The following ABCA12 variants were observed in gnomAD, a reference collection of about 807,000 sequenced individuals.
The protein encoded by ABCA12 is glucosylceramide transporter ABCA12.
In ABCA12, 156 loss-of-function variants were observed where a neutral mutation model predicts 293.5. The observed-to-expected ratio is 0.53, with a 90% CI of 0.47 to 0.61. ABCA12 has a LOEUF of 0.61. Among genes scored for constraint, ABCA12 ranks in the 20% least tolerant of loss-of-function variants. ABCA12 has a pLI of 0.00. For missense variants in ABCA12, 2,797 were observed against 3,090.2 expected (o/e 0.91, Z 2.25); for synonymous variants, 1,063 against 1,108.0 (o/e 0.96, Z 0.81).
At chr2:214,942,810 A>T in intron 50 of ABCA12, 115 bp downstream of exon 50, 1 of 839,286 alleles carries the variant, frequency 1.2e-6, no homozygotes, top group Non-Finnish European at 2.0e-6. Flanking sequence ...TCCAAAGATT[A>T]GCTTGTCCAT....
At chr2:215,106,197 A>G (rs1195914833) in intron 2 of ABCA12, among the ~76,000 whole-genome samples, 1 of 152,174 alleles carries the variant, frequency 6.6e-6, no homozygotes, top group African/African-American at 2.4e-5. Context: ...CAACATTAAG[A>G]CTGTACAATA....
intron 43 of ABCA12, 119 bp from the exon 44 acceptor site, chr2:214,954,226 A>G (rs1698871040): frequency 2.2e-5 from 22 of 1,010,982 alleles, no homozygotes; most frequent in Non-Finnish European, 2.8e-5. Flanking sequence ...TAGATTGGCA[A>G]TTATTTCCCA....
chr2:215,006,766 C>T (rs1384297791), intron 19 of ABCA12, among the ~76,000 whole-genome samples: 2 of 152,038 alleles, frequency 1.3e-5, no homozygotes, highest in Non-Finnish European at 2.9e-5. Flanking sequence ...TTTTCTCCAA[C>T]TGATTACTGG....
At chr2:215,134,529 T>TATATGCGTATATATACGC (rs1559214161) in intron 1 of ABCA12, among the ~76,000 whole-genome samples, 1 of 114,034 alleles carries the variant, frequency 8.8e-6, no homozygotes, top group African/African-American at 3.6e-5. Flanking sequence ...TATATATACG[T>TATATGCGTATATATACGC]ATATATGTAC....
In ABCA12 at chr2:215,000,927, CG is replaced by C; in HGVS notation, c.2956del (p.Arg986GlyfsTer2). ...FLPPVIKYTI[R>X]MSLKTAQTTR... ...GGTCTGTGCGGTCTTGAGACTCATCCGGATGGTATATTTTATGACAGGAGGA... is the reference window on the plus strand; with the variant it reads ...GGTCTGTGCGGTCTTGAGACTCATCCGATGGTATATTTTATGACAGGAGGA... On this transcript the variant is annotated frameshift_variant, in exon 22 of 53. Coordinates refer to ENST00000272895, the MANE Select transcript of ABCA12 (RefSeq NM_173076.3). LOFTEE classifies it high-confidence loss of function. The C allele has an allele frequency of 6.2e-7, 1 of 1,613,998 alleles. No homozygotes were observed. Among genetic ancestry groups the C allele is most frequent in the Middle Eastern group, 1.7e-4 (1 of 6,060 alleles).
At chr2:215,011,928 G>A (rs755172288) in intron 16 of ABCA12, 43 bp downstream of exon 16, 5 of 1,587,304 alleles carry the variant, frequency 3.1e-6, no homozygotes, top group Non-Finnish European at 4.3e-6. Flanking sequence ...CAATATGACA[G>A]AAGGCATTTT....
At chr2:214,981,293 G>C (rs1216243145) in intron 30 of ABCA12, among the ~76,000 whole-genome samples, 1 of 151,936 alleles carries the variant, frequency 6.6e-6, no homozygotes, top group Admixed American at 6.6e-5. Context: ...ATTTTGCATT[G>C]TTTTTCTCTC....
chr2:215,039,759 A>AAAT (rs1701061037), intron 7 of ABCA12, among the ~76,000 whole-genome samples: 2 of 151,048 alleles, frequency 1.3e-5, no homozygotes, highest in Non-Finnish European at 2.9e-5. Context: ...CTTCTCACAA[A>AAAT]AAATAAATAA....
At chr2:215,015,961 G>A (rs960730954) in intron 14 of ABCA12, among the ~76,000 whole-genome samples, 5 of 151,622 alleles carry the variant, frequency 3.3e-5, no homozygotes, top group African/African-American at 1.2e-4. Context: ...TGGCCAACAT[G>A]GTGAAACCCC....
At chr2:215,076,556 G>A (rs1398538594) in intron 2 of ABCA12, among the ~76,000 whole-genome samples, 1 of 152,112 alleles carries the variant, frequency 6.6e-6, no homozygotes, top group Non-Finnish European at 1.5e-5. Flanking sequence ...CTCATCCCAT[G>A]GTGGGGAAAA....
At chr2:215,104,114 G>T (rs1702414698) in intron 2 of ABCA12, among the ~76,000 whole-genome samples, 1 of 152,112 alleles carries the variant, frequency 6.6e-6, no homozygotes, top group East Asian at 1.9e-4. Context: ...CTCTTATGAA[G>T]GAAAGAGAAA....
chr2:215,125,907 T>C (rs1176345073), intron 1 of ABCA12, among the ~76,000 whole-genome samples: 1 of 152,176 alleles, frequency 6.6e-6, no homozygotes, highest in Non-Finnish European at 1.5e-5. Flanking sequence ...CTTTTCCCCA[T>C]TCAGTATTAT....
intron 3 of ABCA12, among the ~76,000 whole-genome samples, chr2:215,063,576 A>C (rs1353058045): frequency 6.6e-6 from 1 of 151,948 alleles, no homozygotes. Context: ...GTTGTCATTC[A>C]ATTATGTATA....
intron 2 of ABCA12, among the ~76,000 whole-genome samples, chr2:215,079,302 T>C (rs1032717256): frequency 1.3e-5 from 2 of 152,238 alleles, no homozygotes; most frequent in Admixed American, 1.3e-4. Flanking sequence ...AATGTGACTA[T>C]GTGAAACAGA....
chr2:215,011,870 T>TG, intron 16 of ABCA12, 101 bp downstream of exon 16: 2 of 1,357,622 alleles, frequency 1.5e-6, no homozygotes, highest in Non-Finnish European at 2.1e-6. Context: ...GTGTTGTTTT[T>TG]TTTTTTTTCA....
At chr2:214,944,268 C>T (rs537524052) in intron 49 of ABCA12, among the ~76,000 whole-genome samples, 33 of 151,976 alleles carry the variant, frequency 2.2e-4, no homozygotes, top group Non-Finnish European at 3.1e-4. Context: ...AAATATTAGC[C>T]GGGCATGGTA....
At chr2:215,032,284 AT>A (rs5838481) in intron 8 of ABCA12, 149,850 of 177,052 alleles carry the variant, frequency 0.85, 62,179 homozygotes, top group African/African-American at 0.89. Flanking sequence ...GGGTCACTGG[AT>A]TTTTTTTTTT....
chr2:215,000,852 G>A lies in ABCA12; in HGVS notation c.3032C>T (p.Pro1011Leu), dbSNP rs769886299. Residue 1011 changes from proline to leucine, a missense_variant, in exon 22 of 53, where the codon CCA becomes CTA. Physicochemically the swap from Pro to Leu is moderately conservative, Grantham distance 98. Around this residue, in one of 3 missense-constraint regions of ABCA12, gnomAD observed 2,130 missense variants for 2,427.0 expected, o/e 0.88. Transcript: ENST00000272895. ...CCTGCCATAGATCTGGTTGTGTGAT[G>A]GAGAATTGTGTGGCCCTGGAGCCCA... Reference protein sequence around the residue: ...KIWAPGPHNSPSHNQIYGRAF... With the variant: ...KIWAPGPHNSLSHNQIYGRAF... The A allele has an allele frequency of 8.1e-6, 13 of 1,613,980 alleles. No individual in the cohort carries two copies. Among genetic ancestry groups the A allele is most frequent in the Non-Finnish European group, 1.1e-5 (13 of 1,179,956 alleles).
Position 214,990,792 on chromosome 2 carries a change from G to A in ABCA12, c.3534C>T (p.Ile1178=), listed in dbSNP as rs757439435. 1.7e-5 allele frequency: 28 copies of A among 1,613,974 alleles called. No individual in the cohort carries two copies. The highest frequency in any genetic ancestry group is 2.7e-5 in the African/African-American group (2 of 74,934). Residue 1178 remains isoleucine (I), a synonymous_variant, in exon 24 of 53, where the codon ATC becomes ATT. Transcript: ENST00000272895. The part of the protein sequence containing the change: ...FFNNTNIAAL[I]GSLIYIIAFF... ...AGGCAATGATGTAGATGAGGCTTCCGATCAGAGCTGCAATGTTGGTGTTGT... is the reference window on the plus strand; with the variant it reads ...AGGCAATGATGTAGATGAGGCTTCCAATCAGAGCTGCAATGTTGGTGTTGT...
Sources: allele counts gnomAD v4.1 joint callset (sites outside exome capture counted in the v4.1 genomes callset), GRCh38; gene constraint gnomAD v4.1.1; regional missense constraint gnomAD v4.1.1; transcripts MANE v1.5; gene names NCBI Gene and HGNC (gene_info 2026-07-23, HGNC 2026-07-21).